AFF2: variants seen among roughly 807,000 people sequenced by gnomAD.
The protein encoded by AFF2 is AF4/FMR2 family member 2.
Under a neutral mutation model 76.9 loss-of-function variants are expected in AFF2, and 14 were observed. That is an observed-to-expected ratio of 0.18 (90% CI 0.12 to 0.28). AFF2 has a LOEUF of 0.28. Ranked by LOEUF, AFF2 falls within the 10% of genes least tolerant of loss-of-function variation. The pLI, the probability that AFF2 is intolerant of heterozygous loss-of-function variation, is 1.00. For missense variants in AFF2, 868 were observed against 1,001.1 expected (o/e 0.87, Z 1.79); for synonymous variants, 398 against 366.7 (o/e 1.09, Z -0.98).
chrX:148,519,254 G>A (rs2052570373), intron 1 of AFF2, among the ~76,000 whole-genome samples: 1 of 111,805 alleles, frequency 8.9e-6, no homozygotes. Context: ...TATTCTTCAG[G>A]TCAGAAGTGA....
Position 148,967,700 on chromosome X carries a change from T to G in AFF2, c.3267+8T>G. ...CACAAAGCTGATGCACTGGTAAGTT[T>G]CCTTTTTCTCATTGCTTTGTTCCTA... is the stretch of plus-strand genomic sequence containing the variant. On this transcript the variant is annotated splice_region_variant and intron_variant, in intron 15 of 20. Transcript: ENST00000370460. The G allele has an allele frequency of 8.3e-7, 1 of 1,197,623 alleles. No individual in the cohort carries two copies. The highest frequency in any genetic ancestry group is 1.1e-6 in the Non-Finnish European group (1 of 884,334).
At chrX:148,701,446 A>G (rs933691791) in intron 3 of AFF2, among the ~76,000 whole-genome samples, 2 of 111,892 alleles carry the variant, frequency 1.8e-5, no homozygotes, top group Non-Finnish European at 3.8e-5. Context: ...ATTCATTGCC[A>G]TGATAAATGA....
chrX:148,947,357 G>A (rs1417597261), intron 9 of AFF2, among the ~76,000 whole-genome samples: 2 of 112,029 alleles, frequency 1.8e-5, no homozygotes, highest in Non-Finnish European at 3.8e-5. Context: ...TTTTCAAATT[G>A]TGCTCAGGGG....
intron 1 of AFF2, among the ~76,000 whole-genome samples, chrX:148,515,622 C>T (rs906413345): frequency 1.3e-4 from 15 of 111,651 alleles, no homozygotes; most frequent in African/African-American, 3.6e-4. Flanking sequence ...AAAGCTATAA[C>T]GATATAAAAA....
chrX:148,938,413 A>G (rs2071796678), intron 9 of AFF2, among the ~76,000 whole-genome samples: 2 of 112,371 alleles, frequency 1.8e-5, no homozygotes, highest in African/African-American at 6.5e-5. Context: ...ATTGTATCAG[A>G]CTTATATTAC....
rs1268647163 is a variant in AFF2 at position 148,963,070 on chromosome X, T to C, written c.2913+133T>C. On this transcript the variant is annotated intron_variant, in intron 13 of 20. Coordinates refer to ENST00000370460, the MANE Select transcript of AFF2 (RefSeq NM_002025.4). ...AGAAGAAATATGAGAGGCCTGTGTA[T>C]ACAAATACACAAACTTTCCATTATT... 6 of 463,160 alleles carry C rather than the reference T, an allele frequency of 1.3e-5. No individual in the cohort carries two copies. The East Asian group carries it at 1.8e-4, about 14-fold the overall frequency. The allele number at this position is 463,160 out of a possible 1,213,427, so 38.2% of individuals were successfully genotyped here. A position where few individuals can be genotyped will look rare whatever the true frequency, so the allele number is the denominator to read the frequency against.
intron 1 of AFF2, among the ~76,000 whole-genome samples, chrX:148,638,559 G>A (rs1221021907): frequency 6.3e-5 from 7 of 111,537 alleles, no homozygotes; most frequent in South Asian, 3.8e-4. Flanking sequence ...ATCACTTGGC[G>A]ATTTATAAAG....
chrX:148,764,674 G>A, intron 3 of AFF2, among the ~76,000 whole-genome samples: 1 of 112,098 alleles, frequency 8.9e-6, no homozygotes, highest in Non-Finnish European at 1.9e-5. Context: ...ATATACACAT[G>A]CCTTATAAAA....
intron 1 of AFF2, among the ~76,000 whole-genome samples, chrX:148,529,793 A>G (rs142104070): frequency 0.012 from 1,304 of 111,883 alleles, 9 homozygotes; most frequent in Non-Finnish European, 0.018. Context: ...TTTACTAAGT[A>G]TCACCAGATG....
At chrX:148,575,013 T>C (rs1418566546) in intron 1 of AFF2, among the ~76,000 whole-genome samples, 1 of 108,446 alleles carries the variant, frequency 9.2e-6, no homozygotes, top group Non-Finnish European at 1.9e-5. Context: ...CTGGACACTG[T>C]GCCTGGGACA....
At chrX:148,965,928 T>C (rs1419989499) in intron 13 of AFF2, among the ~76,000 whole-genome samples, 2 of 111,402 alleles carry the variant, frequency 1.8e-5, no homozygotes, top group African/African-American at 3.3e-5. Flanking sequence ...CAGAGAACAG[T>C]CAGGAGAGTC....
At chrX:148,825,336 T>C (rs782600133) in intron 4 of AFF2, among the ~76,000 whole-genome samples, 1 of 111,877 alleles carries the variant, frequency 8.9e-6, no homozygotes, top group Non-Finnish European at 1.9e-5. Flanking sequence ...CTCTGTATTA[T>C]TGAGTGGATT....
rs1202792308 is a variant in AFF2, at chrX:148,996,593, A to C, written c.*5261A>C. On this transcript the variant is annotated 3_prime_UTR_variant, in exon 21 of 21. Coordinates refer to ENST00000370460, the MANE Select transcript of AFF2 (RefSeq NM_002025.4). ...CACACAAACTCACCCTTACACACACACTTCGATGACTAAAACAATTACATA... is the reference window on the plus strand; with the variant it reads ...CACACAAACTCACCCTTACACACACCCTTCGATGACTAAAACAATTACATA... 8.9e-6 allele frequency: 1 copy of C among 112,297 alleles called. No homozygotes were observed. The highest frequency in any genetic ancestry group is 1.9e-5 in the Non-Finnish European group (1 of 53,286). 9.3% of individuals were successfully genotyped at this position (112,297 alleles called of 1,213,427 possible).
chrX:148,906,450 G>A (rs1242404215), intron 9 of AFF2, among the ~76,000 whole-genome samples: 1 of 111,802 alleles, frequency 8.9e-6, no homozygotes, highest in African/African-American at 3.3e-5. Context: ...GCCTAGCTGG[G>A]GAAGGTGACC....
chrX:148,655,600 T>C (rs1397618270), intron 2 of AFF2, among the ~76,000 whole-genome samples: 1 of 112,016 alleles, frequency 8.9e-6, no homozygotes, highest in Non-Finnish European at 1.9e-5. Context: ...AAGTCAAAAC[T>C]GTGAAGGAAA....
At chrX:148,703,264 A>G (rs1476063440) in intron 3 of AFF2, among the ~76,000 whole-genome samples, 2 of 111,925 alleles carry the variant, frequency 1.8e-5, no homozygotes, top group Non-Finnish European at 3.8e-5. Flanking sequence ...TTATTTTCAT[A>G]TTACAGGGCC....
intron 4 of AFF2, among the ~76,000 whole-genome samples, chrX:148,817,029 A>C (rs1202400530): frequency 9.0e-6 from 1 of 111,198 alleles, no homozygotes; most frequent in Non-Finnish European, 1.9e-5. Context: ...ACATAGTGGC[A>C]TGAATTTGTT....
intron 4 of AFF2, among the ~76,000 whole-genome samples, chrX:148,814,155 A>G (rs923599853): frequency 4.5e-5 from 5 of 111,826 alleles, no homozygotes; most frequent in African/African-American, 6.5e-5. Flanking sequence ...CAATTCATCA[A>G]TCATCTGAGG....
chrX:148,805,141 A>G (rs1389655165), intron 3 of AFF2, among the ~76,000 whole-genome samples: 1 of 112,023 alleles, frequency 8.9e-6, no homozygotes, highest in Non-Finnish European at 1.9e-5. Flanking sequence ...ATGGGGATAA[A>G]TGGGGAAGTT....
Sources: allele counts gnomAD v4.1 joint callset (sites outside exome capture counted in the v4.1 genomes callset), GRCh38; gene constraint gnomAD v4.1.1; transcripts MANE v1.5; gene names NCBI Gene and HGNC (gene_info 2026-07-23, HGNC 2026-07-21).